The following RBM26 variants were observed in gnomAD, a reference collection of about 807,000 sequenced individuals.
RBM26 encodes RNA binding motif protein 26.
RBM26 carries 30 observed loss-of-function variants against 123.6 expected under a neutral mutation model. The observed-to-expected ratio is 0.24, with a 90% confidence interval of 0.18 to 0.33. RBM26 has a LOEUF of 0.33. Ranked by LOEUF, RBM26 falls within the 10% of genes least tolerant of loss-of-function variation. The pLI, the probability that RBM26 is intolerant of heterozygous loss-of-function variation, is 1.00. For missense variants in RBM26, 947 were observed against 1,203.6 expected, an observed-to-expected ratio of 0.79 and a Z score of 3.15; for synonymous variants, 400 against 404.4, an observed-to-expected ratio of 0.99 and a Z score of 0.13.
intron 3 of RBM26, among the ~76,000 whole-genome samples, chr13:79,374,486 C>CA (rs1241018402): frequency 2.0e-5 from 3 of 151,688 alleles, no homozygotes; most frequent in South Asian, 2.1e-4. Context: ...GACTCCGTCT[C>CA]AAAAAACAAA....
chr13:79,375,128 T>G (rs1363253581), intron 3 of RBM26, among the ~76,000 whole-genome samples: 1 of 144,348 alleles, frequency 6.9e-6, no homozygotes, highest in Non-Finnish European at 1.5e-5. Context: ...TATTTATATT[T>G]TAAAAATAAA....
At chr13:79,357,361 T>C (rs1468066051) in intron 11 of RBM26, among the ~76,000 whole-genome samples, 3 of 152,054 alleles carry the variant, frequency 2.0e-5, no homozygotes, top group Non-Finnish European at 4.4e-5. Flanking sequence ...AATATAATTA[T>C]TTTAATTGCA....
rs2140031041 is a variant in RBM26, at chr13:79,371,110, G to C, written c.469C>G (p.Arg157Gly). ...TATGAATCTCTTCGAGGAGGGTTTC[G>C]ATCATAATCTCTTTTGCGAGAACGA... ...DDRSRKRDYD[R>G]NPPRRDSYRD... The change falls in exon 5 of 22, where the codon CGA becomes GGA. Residue 157 changes from arginine to glycine, a missense_variant. Coordinates refer to ENST00000438737, the MANE Select transcript of RBM26 (RefSeq NM_001366735.2). 2 of 1,614,078 alleles carry C rather than the reference G, an allele frequency of 1.2e-6. No individual in the cohort carries two copies. Among genetic ancestry groups the C allele is most frequent in the Non-Finnish European group, 1.7e-6 (2 of 1,180,014 alleles).
intron 14 of RBM26, among the ~76,000 whole-genome samples, chr13:79,346,582 C>T (rs1409054256): frequency 6.6e-6 from 1 of 152,056 alleles, no homozygotes; most frequent in Non-Finnish European, 1.5e-5. Flanking sequence ...CGCCATGTTG[C>T]CCAGGCTGGT....
In RBM26 at chr13:79,366,654, G is replaced by C. The variant is rs1424028604; in HGVS notation, c.1114C>G (p.Pro372Ala). 1 of 1,570,196 alleles carries C rather than the reference G, an allele frequency of 6.4e-7. No individual in the cohort carries two copies. The highest frequency in any genetic ancestry group is 1.2e-5 in the South Asian group (1 of 85,218). Residue 372 changes from proline to alanine, a missense_variant, in exon 7 of 22, where the codon CCC (proline) becomes GCC (alanine). Pro to Ala is a conservative substitution (Grantham distance 27). Transcript: ENST00000438737. ...PPVPPPGPLP[P>A]SLPPVTGPPP... ...TTACCTGTAACAGGTGGGAGACTGG[G>C]TGGCAATGGACCTGGCGGTGGTACT...
At chr13:79,375,063 T>A (rs138254936) in intron 3 of RBM26, among the ~76,000 whole-genome samples, 12,099 of 57,524 alleles carry the variant, frequency 0.21, 1,254 homozygotes, top group African/African-American at 0.41. Flanking sequence ...ATTTATATTT[T>A]TATATATTTA....
At chr13:79,380,747 G>C (rs1049334451) in intron 1 of RBM26, among the ~76,000 whole-genome samples, 1 of 151,902 alleles carries the variant, frequency 6.6e-6, no homozygotes, top group African/African-American at 2.4e-5. Context: ...GCGTAATTTT[G>C]TATCTGTTAA....
At position 79,319,298 on chromosome 13, in the gene RBM26, A is replaced by C. The variant is rs146092496; in HGVS notation, c.*1323T>G. ...TTAATATTATCACTATAATCTCAAG[A>C]GAGGCAGAAACACTTGCAATCAAAA... On this transcript the variant is annotated 3_prime_UTR_variant, in exon 22 of 22. Transcript: ENST00000438737. 4.1e-6 allele frequency: 4 copies of C among 983,134 alleles called. No individual in the cohort carries two copies. The African/African-American group carries it at 7.0e-5, about 17-fold the overall frequency. 60.9% of individuals were successfully genotyped at this position (983,134 alleles called of 1,614,324 possible).
chr13:79,332,864 TAAG>T (rs998802316), intron 20 of RBM26, among the ~76,000 whole-genome samples: 3 of 152,152 alleles, frequency 2.0e-5, no homozygotes, highest in African/African-American at 7.2e-5. Context: ...AAAAATTATT[TAAG>T]AAGAGGTTTT....
Position 79,342,721 on chromosome 13 carries a change from C to T in RBM26, c.2370G>A (p.Glu790=). 6.2e-7 allele frequency: 1 copy of T among 1,611,696 alleles called. No individual in the cohort carries two copies. Among genetic ancestry groups the T allele is most frequent in the Non-Finnish European group, 8.5e-7 (1 of 1,178,398 alleles). ...AGCGTCCAGGAGAAGCAGCTTTGAC[C>T]TCATCTTTCAACTTGGTAATATTTT... ...LTKNITKLKD[E]VKAASPGRCL... Residue 790 remains glutamate (E), a synonymous_variant, in exon 17 of 22, where the codon GAG becomes GAA. Coordinates refer to ENST00000438737, the MANE Select transcript of RBM26 (RefSeq NM_001366735.2).
intron 3 of RBM26, among the ~76,000 whole-genome samples, chr13:79,373,960 G>A (rs1325537418): frequency 1.9e-5 from 1 of 51,642 alleles, no homozygotes; most frequent in African/African-American, 7.8e-5. Context: ...AGGAATCACT[G>A]TTTTTCTAGG....
At chr13:79,362,825 G>A (rs9545084) in intron 9 of RBM26, among the ~76,000 whole-genome samples, 150,317 of 152,318 alleles carry the variant, frequency 0.99, 74,212 homozygotes, top group East Asian at 1. Flanking sequence ...TCTCTAATTC[G>A]GAATCCCTTT....
intron 5 of RBM26, 42 bp from the exon 6 acceptor site, chr13:79,369,032 A>T (rs79687972): frequency 4.0e-5 from 5 of 126,436 alleles, no homozygotes; most frequent in Admixed American, 1.3e-4. Context: ...ACACTGTATT[A>T]AAAAAAAAAA....
Position 79,341,133 on chromosome 13 carries a change from A to G in RBM26, c.2522T>C (p.Leu841Ser). Reference sequence around the variant, plus strand: ...TGTGATTAAACATACTTCCAGCTGTAATTCTGTATACTTTCTCCTAAGTTC... The same window carrying G: ...TGTGATTAAACATACTTCCAGCTGTGATTCTGTATACTTTCTCCTAAGTTC... ...VTELRRKYTE[L>S]QLEAAKRGIL... Residue 841 changes from leucine (L) to serine (S), a missense_variant, in exon 18 of 22, where the codon TTA (leucine) becomes TCA (serine). Physicochemically the swap from Leu to Ser is moderately radical, Grantham distance 145. Transcript: ENST00000438737. The G allele has an allele frequency of 2.5e-6, 4 of 1,596,606 alleles. No homozygotes were observed. Among genetic ancestry groups the G allele is most frequent in the Non-Finnish European group, 3.4e-6 (4 of 1,165,850 alleles).
At position 79,370,959 on chromosome 13, in the gene RBM26, C is replaced by G; in HGVS notation, c.620G>C (p.Arg207Thr). Residue 207 changes from arginine to threonine, a missense_variant, in exon 5 of 22, where the codon AGA becomes ACA. Arg to Thr is a moderately conservative substitution (Grantham distance 71). Around this residue, in one of 5 missense-constraint regions of RBM26, gnomAD observed 275 missense variants for 361.0 expected, o/e 0.76. Transcript: ENST00000438737. ...RDRSRTRSRS[R>T]TRSRERDLVK... ...ATATTATTTACCCCTGCTTCGTGTTCTGCTTCTGCTTCTAGTCCTGCTTCT... is the reference window on the plus strand; with the variant it reads ...ATATTATTTACCCCTGCTTCGTGTTGTGCTTCTGCTTCTAGTCCTGCTTCT... 3.1e-6 allele frequency: 5 copies of G among 1,595,310 alleles called. No individual in the cohort carries two copies. The highest frequency in any genetic ancestry group is 4.3e-6 in the Non-Finnish European group (5 of 1,162,846).
downstream of RBM26, among the ~76,000 whole-genome samples, chr13:79,316,095 A>G (rs1056711890): frequency 2.0e-5 from 3 of 151,766 alleles, no homozygotes; most frequent in Non-Finnish European, 4.4e-5. Context: ...AGAACAAGAA[A>G]AGCCCCGAGA....
intron 5 of RBM26, among the ~76,000 whole-genome samples, chr13:79,370,718 T>C (rs567658285): frequency 1.1e-3 from 171 of 152,350 alleles, no homozygotes; most frequent in African/African-American, 3.8e-3. Flanking sequence ...TGGAATAGAA[T>C]CAGTCTGTAT....
intron 20 of RBM26, among the ~76,000 whole-genome samples, chr13:79,324,480 T>C (rs2068087711): frequency 6.6e-6 from 1 of 151,920 alleles, no homozygotes; most frequent in Non-Finnish European, 1.5e-5. Flanking sequence ...CTGGCCTGCT[T>C]GTATTTTTCT....
rs1491334587 is a variant in RBM26, at chr13:79,375,076, TGA to T, written c.327+2301_327+2302del. ...ATATTTATATTTTTATATATTTATATGATATATATAAATATATATTTATATAT... is the reference window on the plus strand; with the variant it reads ...ATATTTATATTTTTATATATTTATATTATATATAAATATATATTTATATAT... On this transcript the variant is annotated intron_variant, in intron 3 of 21. Coordinates refer to ENST00000438737, the MANE Select transcript of RBM26 (RefSeq NM_001366735.2). 2.5e-4 allele frequency among the ~76,000 whole-genome samples: 25 copies of T among 101,996 alleles called. 1 individual carries two copies. The highest frequency in any genetic ancestry group is 1.1e-3 in the African/African-American group (25 of 23,142). 66.9% of individuals were successfully genotyped at this position (101,996 alleles called of 152,430 possible).
Sources: allele counts gnomAD v4.1 joint callset (sites outside exome capture counted in the v4.1 genomes callset), GRCh38; gene constraint gnomAD v4.1.1; regional missense constraint gnomAD v4.1.1; transcripts MANE v1.5; gene names NCBI Gene and HGNC (gene_info 2026-07-23, HGNC 2026-07-21).